Variants in NRG1 observed in about 807,000 individuals in gnomAD.
NRG1 encodes neuregulin 1, also known as pro-neuregulin-1, membrane-bound isoform.
A neutral mutation model predicts 63.8 loss-of-function variants in NRG1; 18 were observed. The ratio of observed to expected loss-of-function variants is 0.28; its 90% confidence interval spans 0.19 to 0.42. The LOEUF (loss-of-function observed/expected upper bound fraction) is 0.42, where lower values mean the gene tolerates loss of function less well. NRG1 is among the 10% of genes least tolerant of loss of function. The pLI, the probability that NRG1 is intolerant of heterozygous loss-of-function variation, is 1.00. For synonymous variants in NRG1, 302 were observed against 301.3 expected (o/e 1.00, Z -0.02); for missense variants, 762 against 814.7 (o/e 0.94, Z 0.79).
chr8:32,759,251 TTTGA>T (rs1196873548), intron 9 of NRG1, 51 bp from the exon 10 acceptor site: 4 of 1,579,594 alleles, frequency 2.5e-6, no homozygotes, highest in Non-Finnish European at 3.4e-6. Context: ...ATATTAGTGC[TTTGA>T]TTGACATGAA....
chr8:31,739,584 CATT>C (rs1394745690), intron 1 of NRG1, among the ~76,000 whole-genome samples: 3 of 151,956 alleles, frequency 2.0e-5, no homozygotes, highest in Non-Finnish European at 2.9e-5. Flanking sequence ...TGTGCTAAAA[CATT>C]GTTGTGGAGA....
intron 1 of NRG1, among the ~76,000 whole-genome samples, chr8:31,826,072 A>G (rs1824519974): frequency 6.6e-6 from 1 of 152,182 alleles, no homozygotes; most frequent in South Asian, 2.1e-4. Flanking sequence ...ACCTAGAAAT[A>G]GAACCCTGTT....
At chr8:31,691,784 C>T (rs753516344) in intron 1 of NRG1, among the ~76,000 whole-genome samples, 32 of 152,090 alleles carry the variant, frequency 2.1e-4, no homozygotes, top group Non-Finnish European at 3.4e-4. Context: ...AAAAAAATCC[C>T]TTCTCTACAG....
chr8:31,880,684 C>T (rs934385363), intron 1 of NRG1, among the ~76,000 whole-genome samples: 1 of 152,146 alleles, frequency 6.6e-6, no homozygotes, highest in Non-Finnish European at 1.5e-5. Context: ...TCATATATAA[C>T]AAATATTTAA....
At chr8:31,917,418 C>A (rs192594847) in intron 1 of NRG1, among the ~76,000 whole-genome samples, 17,604 of 147,338 alleles carry the variant, frequency 0.12, 1,172 homozygotes, top group Admixed American at 0.18. Flanking sequence ...TCAGCTTTCT[C>A]CATATGGCTA....
intron 1 of NRG1, among the ~76,000 whole-genome samples, chr8:31,738,955 T>C (rs1395236040): frequency 1.3e-5 from 2 of 152,218 alleles, no homozygotes; most frequent in East Asian, 3.9e-4. Context: ...AAGGTCACAT[T>C]CTGAGGCACC....
intron 1 of NRG1, among the ~76,000 whole-genome samples, chr8:31,707,733 C>T (rs1811289462): frequency 6.6e-6 from 1 of 152,040 alleles, no homozygotes; most frequent in Non-Finnish European, 1.5e-5. Context: ...TCTTTTTCAT[C>T]ACTGTTGTTA....
intron 1 of NRG1, among the ~76,000 whole-genome samples, chr8:32,021,201 A>T (rs540423536): frequency 6.6e-6 from 1 of 152,302 alleles, no homozygotes; most frequent in Non-Finnish European, 1.5e-5. Context: ...ACAAAAGAAC[A>T]CCTGAGACTG....
chr8:32,626,042 C>T (rs1473777418), intron 5 of NRG1, among the ~76,000 whole-genome samples: 1 of 151,972 alleles, frequency 6.6e-6, no homozygotes, highest in Non-Finnish European at 1.5e-5. Flanking sequence ...GATCTGCCCA[C>T]CTTGGCCTCC....
chr8:31,962,648 A>G (rs1200652790), intron 1 of NRG1, among the ~76,000 whole-genome samples: 1 of 152,190 alleles, frequency 6.6e-6, no homozygotes, highest in African/African-American at 2.4e-5. Flanking sequence ...TCCCTTGTCT[A>G]GGGAACCAGT....
chr8:32,697,580 C>T (rs1041435630), intron 5 of NRG1, among the ~76,000 whole-genome samples: 1 of 152,132 alleles, frequency 6.6e-6, no homozygotes, highest in Non-Finnish European at 1.5e-5. Flanking sequence ...AGTGGAATTT[C>T]AACTCAGTGA....
At chr8:31,772,644 G>T (rs1021988669) in intron 1 of NRG1, among the ~76,000 whole-genome samples, 20 of 152,190 alleles carry the variant, frequency 1.3e-4, no homozygotes, top group African/African-American at 3.6e-4. Flanking sequence ...AGAAGACCTG[G>T]GATCTGGTAC....
intron 5 of NRG1, among the ~76,000 whole-genome samples, chr8:32,700,368 C>T (rs1814530696): frequency 6.6e-6 from 1 of 151,984 alleles, no homozygotes; most frequent in African/African-American, 2.4e-5. Flanking sequence ...ATTTAACTCA[C>T]AATTGATATA....
At chr8:31,727,232 G>A (rs1198999461) in intron 1 of NRG1, among the ~76,000 whole-genome samples, 1 of 152,090 alleles carries the variant, frequency 6.6e-6, no homozygotes, top group Non-Finnish European at 1.5e-5. Context: ...CAAAACAGGA[G>A]GGTATGTGGT....
intron 1 of NRG1, among the ~76,000 whole-genome samples, chr8:31,746,454 G>T (rs576840478): frequency 3.9e-5 from 6 of 152,052 alleles, no homozygotes; most frequent in Admixed American, 3.9e-4. Context: ...AAGACACTGT[G>T]CTTAGATGCT....
intron 1 of NRG1, among the ~76,000 whole-genome samples, chr8:32,233,563 A>ATATATATATTT (rs34593729): frequency 2.7e-3 from 179 of 67,202 alleles, no homozygotes; most frequent in Admixed American, 3.1e-3. Context: ...ATATATATAT[A>ATATATATATTT]TTTTTTTTTT....
At chr8:31,871,318 T>C (rs1182317270) in intron 1 of NRG1, among the ~76,000 whole-genome samples, 1 of 152,092 alleles carries the variant, frequency 6.6e-6, no homozygotes, top group East Asian at 1.9e-4. Context: ...TGTGACACGG[T>C]AAATGAAAAA....
At chr8:32,487,828 C>T (rs766521143) in intron 1 of NRG1, among the ~76,000 whole-genome samples, 1 of 152,178 alleles carries the variant, frequency 6.6e-6, no homozygotes, top group African/African-American at 2.4e-5. Flanking sequence ...GTTACCGTCC[C>T]TTTCAACCGG....
intron 1 of NRG1, among the ~76,000 whole-genome samples, chr8:31,897,177 C>A (rs1240279043): frequency 6.6e-6 from 1 of 152,130 alleles, no homozygotes; most frequent in Non-Finnish European, 1.5e-5. Flanking sequence ...TTCTCTCAAC[C>A]AAGGGCATTC....
Sources: allele counts gnomAD v4.1 joint callset (sites outside exome capture counted in the v4.1 genomes callset), GRCh38; gene constraint gnomAD v4.1.1; transcripts MANE v1.5; gene names NCBI Gene and HGNC (gene_info 2026-07-23, HGNC 2026-07-21).